Variants in LUC7L observed in about 807,000 individuals in gnomAD.
LUC7L encodes LUC7 like.
LUC7L carries 29 observed loss-of-function variants against 51.1 expected under a neutral mutation model. The observed-to-expected ratio is 0.57, with a 90% confidence interval of 0.42 to 0.77. LUC7L has a LOEUF of 0.77. Ranked by LOEUF, LUC7L falls within the 30% of genes least tolerant of loss-of-function variation. The pLI is 0.00. For missense variants in LUC7L, 403 were observed against 511.9 expected (o/e 0.79, Z 2.05); for synonymous variants, 181 against 180.7 (o/e 1.00, Z -0.01).
Position 190,097 on chromosome 16 carries a change from G to C in LUC7L, c.845C>G (p.Ser282Cys), listed in dbSNP as rs2048972462. 1 of 1,612,866 alleles carries C rather than the reference G, an allele frequency of 6.2e-7. No individual in the cohort carries two copies. Among genetic ancestry groups the C allele is most frequent in the Non-Finnish European group, 8.5e-7 (1 of 1,180,008 alleles). Residue 282 changes from serine (S) to cysteine (C), a missense_variant, in exon 9 of 10, where the codon TCT (serine) becomes TGT (cysteine). Coordinates refer to ENST00000293872, the MANE Select transcript of LUC7L (RefSeq NM_201412.3). ...CAATTTCCGTCGCTCTCGGGAGGTA[G>C]ATCTTGACCGCCTCCGACGCCGATC... ...SRDRRRRRSR[S>C]TSRERRKLSR...
intron 1 of LUC7L, 54 bp downstream of exon 1, chr16:229,225 G>A: frequency 1.3e-6 from 2 of 1,511,860 alleles, no homozygotes; most frequent in Non-Finnish European, 8.8e-7. Flanking sequence ...GCCGCCCGGC[G>A]GCCTCGCCTC....
At chr16:195,410 G>A (rs1596601101) in intron 6 of LUC7L, among the ~76,000 whole-genome samples, 1 of 151,882 alleles carries the variant, frequency 6.6e-6, no homozygotes. Context: ...TCCACCCTGG[G>A]TGCCAGAGGG....
At chr16:221,767 T>C (rs1193436220) in intron 2 of LUC7L, among the ~76,000 whole-genome samples, 1 of 152,040 alleles carries the variant, frequency 6.6e-6, no homozygotes, top group Admixed American at 6.6e-5. Flanking sequence ...TTTCTAGGCA[T>C]TGTCTTGCAA....
At chr16:196,236 C>G (rs1163313803) in intron 6 of LUC7L, among the ~76,000 whole-genome samples, 5 of 151,966 alleles carry the variant, frequency 3.3e-5, no homozygotes, top group Non-Finnish European at 7.4e-5. Context: ...GGTGAAACCC[C>G]ATCTCTACTA....
chr16:223,723 G>A (rs2050041931), intron 2 of LUC7L, among the ~76,000 whole-genome samples: 1 of 151,420 alleles, frequency 6.6e-6, no homozygotes, highest in Non-Finnish European at 1.5e-5. Context: ...AGGCTGGAGT[G>A]CAGTGGCACG....
chr16:199,435 C>A (rs916576965), intron 5 of LUC7L, among the ~76,000 whole-genome samples, 197 bp from the exon 6 acceptor site: 6 of 152,140 alleles, frequency 3.9e-5, no homozygotes, highest in African/African-American at 1.4e-4. Context: ...CAGGCACGGT[C>A]CCAGCACTTT....
intron 5 of LUC7L, 91 bp from the exon 6 acceptor site, chr16:199,329 C>G: frequency 3.7e-6 from 3 of 807,402 alleles, no homozygotes; most frequent in East Asian, 5.1e-5. Flanking sequence ...GATAAGATGA[C>G]AGAGGTGACT....
intron 6 of LUC7L, among the ~76,000 whole-genome samples, chr16:195,614 G>A (rs988367302): frequency 6.6e-6 from 1 of 152,168 alleles, no homozygotes; most frequent in Non-Finnish European, 1.5e-5. Flanking sequence ...GGTAGAGACA[G>A]GGTCTCCTTA....
chr16:199,018 C>T (rs2049243398), intron 6 of LUC7L, 44 bp downstream of exon 6: 4 of 1,503,284 alleles, frequency 2.7e-6, no homozygotes, highest in African/African-American at 2.8e-5. Context: ...AATGTGAAAA[C>T]ACCCCAAGAC....
Position 189,274 on chromosome 16 carries a change from G to A in LUC7L, c.1040C>T (p.Pro347Leu), listed in dbSNP as rs772169832. 19 of 1,613,302 alleles carry A rather than the reference G, an allele frequency of 1.2e-5. No individual in the cohort carries two copies. The highest frequency in any genetic ancestry group is 1.5e-5 in the Non-Finnish European group (18 of 1,179,860). The change falls in exon 10 of 10, where the codon CCG becomes CTG. Residue 347 changes from proline to leucine, a missense_variant. By Grantham distance (98) the Pro-to-Leu change is moderately conservative. Coordinates refer to ENST00000293872, the MANE Select transcript of LUC7L (RefSeq NM_201412.3). The part of the protein sequence containing the change: ...WESGRSERGP[P>L]DWRLESSNGK... ...GTTGGAGCTCTCAAGCCTCCAGTCC[G>A]GGGGCCCTCGCTCGCTCCGCCCGCT... is the stretch of plus-strand genomic sequence containing the variant.
intron 6 of LUC7L, among the ~76,000 whole-genome samples, 195 bp from the exon 7 acceptor site, chr16:193,210 G>A (rs1022275752): frequency 2.0e-5 from 3 of 151,934 alleles, no homozygotes; most frequent in African/African-American, 7.3e-5. Context: ...GTGCAGTGGC[G>A]TGATCTCGGC....
intron 6 of LUC7L, among the ~76,000 whole-genome samples, chr16:193,905 G>A (rs1052793700): frequency 1.3e-5 from 2 of 151,476 alleles, no homozygotes; most frequent in Admixed American, 6.6e-5. Flanking sequence ...CCGGGTTCAC[G>A]CCATTCTCCT....
Position 197,403 on chromosome 16 carries a change from G to A in LUC7L, c.687+1659C>T, listed in dbSNP as rs536791807. On this transcript the variant is annotated intron_variant, in intron 6 of 9. Coordinates refer to ENST00000293872, the MANE Select transcript of LUC7L (RefSeq NM_201412.3). ...AATTTTTGTATTTTTAGTAAAGACG[G>A]GGTTTCACTATGTTGGCCAGGCTGG... Among the ~76,000 whole-genome samples, 11 of 151,764 alleles carry A rather than the reference G, an allele frequency of 7.2e-5. No homozygotes were observed. In the South Asian group the frequency reaches 1.9e-3, roughly 26 times the overall value.
intron 4 of LUC7L, among the ~76,000 whole-genome samples, chr16:207,261 A>T (rs1442147211): frequency 6.6e-6 from 1 of 151,764 alleles, no homozygotes; most frequent in Non-Finnish European, 1.5e-5. Context: ...TCACTCTGTT[A>T]TCCAGGCTGA....
chr16:219,234 C>T (rs1567190388), intron 3 of LUC7L, among the ~76,000 whole-genome samples: 1 of 151,762 alleles, frequency 6.6e-6, no homozygotes, highest in South Asian at 2.1e-4. Flanking sequence ...ACCAAAAATA[C>T]AAAAATGAGC....
chr16:190,853 C>G (rs1204997732), intron 7 of LUC7L: 1 of 375,214 alleles, frequency 2.7e-6, no homozygotes, highest in African/African-American at 2.1e-5. Context: ...GCACTCCAGC[C>G]TGGGCAACAA....
intron 6 of LUC7L, among the ~76,000 whole-genome samples, chr16:193,382 T>C (rs957250928): frequency 1.3e-5 from 2 of 152,054 alleles, no homozygotes; most frequent in African/African-American, 4.8e-5. Context: ...CTTGACCTTG[T>C]GACCCGCCTG....
intron 6 of LUC7L, among the ~76,000 whole-genome samples, chr16:197,397 A>G (rs1189520148): frequency 3.4e-5 from 5 of 145,084 alleles, no homozygotes; most frequent in African/African-American, 5.1e-5. Context: ...ATTTTTAGTA[A>G]AGACGGGGTT....
chr16:189,339 C>T lies in LUC7L; in HGVS notation c.975G>A (p.Lys325=), dbSNP rs758615326. 6.2e-7 allele frequency: 1 copy of T among 1,607,116 alleles called. No individual in the cohort carries two copies. Among genetic ancestry groups the T allele is most frequent in the Non-Finnish European group, 8.5e-7 (1 of 1,177,062 alleles). Residue 325 remains lysine, a splice_region_variant and synonymous_variant, in exon 10 of 10, where the codon AAG becomes AAA. Coordinates refer to ENST00000293872, the MANE Select transcript of LUC7L (RefSeq NM_201412.3). ...CTCTGGATGCCCGCTCTCTGGAGAACCTGGGAAATGGGAACCAGAGGCTCA... is the reference window on the plus strand; with the variant it reads ...CTCTGGATGCCCGCTCTCTGGAGAATCTGGGAAATGGGAACCAGAGGCTCA... ...RASRDRSAKY[K]FSRERASREE...
Sources: gnomAD v4.1 joint callset for allele counts (sites outside exome capture counted in the v4.1 genomes callset) on GRCh38, gnomAD v4.1.1 for gene constraint, MANE v1.5 for transcripts, NCBI Gene and HGNC (gene_info 2026-07-23, HGNC 2026-07-21) for gene names.